Variants in ZFYVE9 observed in about 807,000 individuals in gnomAD.
ZFYVE9 encodes the protein zinc finger FYVE domain-containing protein 9.
ZFYVE9 carries 43 observed loss-of-function variants against 126.7 expected under a neutral mutation model. That is an observed-to-expected ratio of 0.34 (90% CI 0.27 to 0.44). The LOEUF (loss-of-function observed/expected upper bound fraction) is 0.44, where lower values mean the gene tolerates loss of function less well. Ranked by LOEUF, ZFYVE9 falls within the 20% of genes least tolerant of loss-of-function variation. ZFYVE9 has a pLI of 1.00. For missense variants in ZFYVE9, 1,476 were observed against 1,697.0 expected (o/e 0.87, Z 2.29); for synonymous variants, 521 against 597.4 (o/e 0.87, Z 1.87).
intron 10 of ZFYVE9, among the ~76,000 whole-genome samples, chr1:52,289,487 C>A (rs985102108): frequency 3.3e-5 from 5 of 152,112 alleles, no homozygotes; most frequent in African/African-American, 1.2e-4. Context: ...GATTTGGTAT[C>A]TATTTTGGTT....
At chr1:52,291,885 CAAAAAAA>C (rs1171027696) in intron 10 of ZFYVE9, among the ~76,000 whole-genome samples, 24 of 58,740 alleles carry the variant, frequency 4.1e-4, no homozygotes, top group Non-Finnish European at 7.0e-4. Context: ...GACTCTGTCT[CAAAAAAA>C]AAAAAAAAAA....
At chr1:52,180,634 G>A (rs1050376478) in intron 1 of ZFYVE9, 2 of 481,246 alleles carry the variant, frequency 4.2e-6, no homozygotes, top group African/African-American at 2.0e-5. Context: ...AATTCTTCTG[G>A]TTTTTAGTTT....
At chr1:52,213,544 C>T (rs1398064211) in intron 1 of ZFYVE9, among the ~76,000 whole-genome samples, 1 of 151,892 alleles carries the variant, frequency 6.6e-6, no homozygotes, top group Non-Finnish European at 1.5e-5. Flanking sequence ...CCCAGCTACT[C>T]AGGAGTCTGA....
At chr1:52,270,356 C>A (rs749172590) in intron 7 of ZFYVE9, among the ~76,000 whole-genome samples, 2 of 152,122 alleles carry the variant, frequency 1.3e-5, no homozygotes, top group Admixed American at 1.3e-4. Flanking sequence ...CTCCGCCTCC[C>A]GGGTTCACGC....
chr1:52,329,768 G>A (rs1034405205), intron 13 of ZFYVE9, among the ~76,000 whole-genome samples: 2 of 152,130 alleles, frequency 1.3e-5, no homozygotes, highest in African/African-American at 4.8e-5. Flanking sequence ...AGCCGGGCAT[G>A]GTGGCCAGCA....
intron 1 of ZFYVE9, among the ~76,000 whole-genome samples, chr1:52,199,739 T>C (rs1644906155): frequency 6.6e-6 from 1 of 152,216 alleles, no homozygotes; most frequent in African/African-American, 2.4e-5. Flanking sequence ...ATATTTAGTT[T>C]TGTAAGAAAC....
intron 1 of ZFYVE9, among the ~76,000 whole-genome samples, chr1:52,155,234 C>CTTTTTTT (rs202048189): frequency 3.1e-5 from 4 of 129,088 alleles, no homozygotes; most frequent in Non-Finnish European, 3.3e-5. Flanking sequence ...TCTTTTTTTT[C>CTTTTTTT]TTTTTTTTTT....
At chr1:52,328,470 A>C (rs1646312221) in intron 13 of ZFYVE9, among the ~76,000 whole-genome samples, 1 of 152,306 alleles carries the variant, frequency 6.6e-6, no homozygotes, top group Non-Finnish European at 1.5e-5. Flanking sequence ...ACTGAGCATT[A>C]TCTTAAGAGA....
intron 4 of ZFYVE9, among the ~76,000 whole-genome samples, chr1:52,259,876 C>T (rs954466632): frequency 1.8e-4 from 28 of 152,136 alleles, no homozygotes; most frequent in African/African-American, 4.6e-4. Context: ...CCATGTCAAT[C>T]GGTACATACA....
intron 13 of ZFYVE9, among the ~76,000 whole-genome samples, chr1:52,314,524 AG>A (rs1245938729): frequency 6.6e-6 from 1 of 152,212 alleles, no homozygotes; most frequent in Non-Finnish European, 1.5e-5. Context: ...CTCTACTAAA[AG>A]TACAAAAGTA....
intron 1 of ZFYVE9, among the ~76,000 whole-genome samples, chr1:52,203,260 C>G (rs1444815440): frequency 6.6e-6 from 1 of 152,030 alleles, no homozygotes; most frequent in Non-Finnish European, 1.5e-5. Flanking sequence ...CGGTTAACCT[C>G]AACCTCCACC....
At chr1:52,260,679 T>C (rs1425300619) in intron 4 of ZFYVE9, among the ~76,000 whole-genome samples, 1 of 152,092 alleles carries the variant, frequency 6.6e-6, no homozygotes, top group African/African-American at 2.4e-5. Context: ...TAGCTGGGCA[T>C]GGTGGCACAC....
intron 4 of ZFYVE9, among the ~76,000 whole-genome samples, chr1:52,248,314 T>C (rs1645411203): frequency 6.6e-6 from 1 of 152,140 alleles, no homozygotes; most frequent in Non-Finnish European, 1.5e-5. Flanking sequence ...GAGGAGAGGA[T>C]ATAAGCATCT....
At chr1:52,258,862 C>T (rs1431832543) in intron 4 of ZFYVE9, among the ~76,000 whole-genome samples, 1 of 151,058 alleles carries the variant, frequency 6.6e-6, no homozygotes, top group Non-Finnish European at 1.5e-5. Context: ...TTGGGTTCTT[C>T]TGTGTTTACT....
intron 9 of ZFYVE9, among the ~76,000 whole-genome samples, chr1:52,280,401 A>G (rs1037294909): frequency 6.6e-6 from 1 of 151,874 alleles, no homozygotes; most frequent in African/African-American, 2.4e-5. Flanking sequence ...AAAATTAGCT[A>G]ACCTAGATTC....
chr1:52,216,640 A>G (rs539518811), intron 2 of ZFYVE9, among the ~76,000 whole-genome samples, 166 bp downstream of exon 2: 41 of 152,194 alleles, frequency 2.7e-4, no homozygotes, highest in Non-Finnish European at 1.5e-4. Context: ...AATTCAGAGG[A>G]AAAGGGTATT....
chr1:52,146,928 C>T (rs978796435), intron 1 of ZFYVE9, among the ~76,000 whole-genome samples: 5 of 152,092 alleles, frequency 3.3e-5, no homozygotes, highest in Non-Finnish European at 5.9e-5. Flanking sequence ...GTCTGAAATT[C>T]GAAATGCTCA....
intron 13 of ZFYVE9, among the ~76,000 whole-genome samples, chr1:52,331,490 C>T (rs1357071166): frequency 6.7e-6 from 1 of 150,062 alleles, no homozygotes; most frequent in Non-Finnish European, 1.5e-5. Flanking sequence ...CAGTGGCTCA[C>T]ACCTGTAATC....
intron 4 of ZFYVE9, among the ~76,000 whole-genome samples, chr1:52,246,100 G>A (rs1343285037): frequency 1.3e-5 from 2 of 151,792 alleles, no homozygotes; most frequent in Non-Finnish European, 2.9e-5. Flanking sequence ...GCTAATTTTT[G>A]TATTTTTTGG....
Sources: allele counts gnomAD v4.1 joint callset (sites outside exome capture counted in the v4.1 genomes callset), GRCh38; gene constraint gnomAD v4.1.1; transcripts MANE v1.5; gene names NCBI Gene and HGNC (gene_info 2026-07-23, HGNC 2026-07-21).